Variants in DHTKD1 observed in about 807,000 individuals in gnomAD.
DHTKD1 encodes 2-oxoadipate dehydrogenase complex component E1.
Under a neutral mutation model 101.8 loss-of-function variants are expected in DHTKD1, and 78 were observed. The ratio of observed to expected loss-of-function variants is 0.77; its 90% CI spans 0.64 to 0.93. The LOEUF is 0.93. Among genes scored for constraint, DHTKD1 ranks in the 40% least tolerant of loss-of-function variants. The pLI, the probability that DHTKD1 is intolerant of heterozygous loss-of-function variation, is 0.00. For missense variants in DHTKD1, 1,223 were observed against 1,161.7 expected (o/e 1.05, Z -0.77); for synonymous variants, 462 against 450.3 (o/e 1.03, Z -0.33).
chr10:12,115,332 A>G (rs1025975506), intron 13 of DHTKD1, among the ~76,000 whole-genome samples: 3 of 151,822 alleles, frequency 2.0e-5, no homozygotes, highest in Non-Finnish European at 2.9e-5. Context: ...CCTGGCCTCA[A>G]GTGATTGGGC....
chr10:12,089,359 A>G (rs903136139), intron 5 of DHTKD1, 104 bp downstream of exon 5: 17 of 1,119,484 alleles, frequency 1.5e-5, no homozygotes, highest in African/African-American at 1.1e-4. Context: ...GATGAAACTG[A>G]GATGACCTTT....
intron 3 of DHTKD1, among the ~76,000 whole-genome samples, chr10:12,086,216 GTTTTC>G (rs1832894106): frequency 1.1e-5 from 1 of 91,252 alleles, no homozygotes; most frequent in African/African-American, 4.1e-5. Context: ...TTTTTCTTTT[GTTTTC>G]TTTTCTTTTT....
intron 6 of DHTKD1, among the ~76,000 whole-genome samples, chr10:12,092,044 C>T (rs1239286421): frequency 2.0e-5 from 3 of 149,934 alleles, no homozygotes; most frequent in East Asian, 3.9e-4. Flanking sequence ...TGCTGGAGTA[C>T]GTGATCTCGG....
intron 13 of DHTKD1, among the ~76,000 whole-genome samples, chr10:12,117,298 C>G (rs898521310): frequency 1.4e-5 from 2 of 143,130 alleles, no homozygotes; most frequent in Non-Finnish European, 3.0e-5. Context: ...GCATGAGCCA[C>G]GGCACCTTTT....
intron 8 of DHTKD1, among the ~76,000 whole-genome samples, chr10:12,098,430 A>G (rs1452349807): frequency 1.3e-5 from 2 of 152,192 alleles, no homozygotes; most frequent in African/African-American, 4.8e-5. Context: ...ATAGGATGAC[A>G]AACCACCCTG....
At chr10:12,071,553 C>G (rs753857559) in intron 1 of DHTKD1, among the ~76,000 whole-genome samples, 1 of 152,134 alleles carries the variant, frequency 6.6e-6, no homozygotes, top group African/African-American at 2.4e-5. Flanking sequence ...GGGCGGATCA[C>G]CAGGTCAGGA....
intron 15 of DHTKD1, 115 bp downstream of exon 15, chr10:12,119,033 G>A (rs905167209): frequency 3.9e-5 from 42 of 1,069,328 alleles, no homozygotes; most frequent in Middle Eastern, 6.8e-4. Context: ...TGGGCCGGGC[G>A]CGGTGGCTCA....
chr10:12,081,625 C>T lies in DHTKD1; in HGVS notation c.308C>T (p.Ala103Val). 2 of 1,614,100 alleles carry T rather than the reference C, an allele frequency of 1.2e-6. No individual in the cohort carries two copies. The highest frequency in any genetic ancestry group is 1.7e-6 in the Non-Finnish European group (2 of 1,180,014). Residue 103 changes from alanine to valine, a missense_variant and splice_region_variant, in exon 2 of 17, where the codon GCA becomes GTA. Ala to Val is a moderately conservative substitution (Grantham distance 64, BLOSUM62 0). Transcript: ENST00000263035. Reference protein sequence around the residue: ...VQTLQGPFHTAGLLNMGKEEA... With the variant: ...VQTLQGPFHTVGLLNMGKEEA... ...ACACTGCAGGGACCCTTCCACACGGCAGGTATGGCTTCTGCACAGCAGGCG... is the reference window on the plus strand; with the variant it reads ...ACACTGCAGGGACCCTTCCACACGGTAGGTATGGCTTCTGCACAGCAGGCG...
intron 13 of DHTKD1, among the ~76,000 whole-genome samples, chr10:12,117,304 C>CTTTTTTTT: frequency 1.4e-5 from 1 of 71,552 alleles, no homozygotes; most frequent in Non-Finnish European, 2.6e-5. Flanking sequence ...GCCACGGCAC[C>CTTTTTTTT]TTTTTTTTTT....
chr10:12,089,325 T>C, intron 5 of DHTKD1, 70 bp downstream of exon 5: 1 of 1,406,734 alleles, frequency 7.1e-7, no homozygotes, highest in Non-Finnish European at 9.8e-7. Flanking sequence ...TTGGGAGGGC[T>C]GAAAGCACAT....
chr10:12,070,501 A>G lies in DHTKD1; in HGVS notation c.154+1314A>G, dbSNP rs1178415339. Reference sequence around the variant, plus strand: ...TATCTCTGTCTCTCTCTCTTTTTTTAATCCTAAAATGGAGTCTGGCTTTGT... The same window carrying G: ...TATCTCTGTCTCTCTCTCTTTTTTTGATCCTAAAATGGAGTCTGGCTTTGT... On this transcript the variant is annotated intron_variant, in intron 1 of 16. Transcript: ENST00000263035. Among the ~76,000 whole-genome samples the G allele has an allele frequency of 2.0e-5, 3 of 151,974 alleles. No homozygotes were observed. The East Asian group carries it at 5.8e-4, about 29-fold the overall frequency.
rs146362405 is a variant in DHTKD1, at chr10:12,107,334, G to A, written c.2048-575G>A. Reference sequence around the variant, plus strand: ...GTGGTGCCTGCGGTGGTATTGGAGCGGCATGTGCTGTCCAGGAAGCTGGGA... The same window carrying A: ...GTGGTGCCTGCGGTGGTATTGGAGCAGCATGTGCTGTCCAGGAAGCTGGGA... On this transcript the variant is annotated intron_variant, in intron 11 of 16. Transcript: ENST00000263035. This position sits in a 1 kb window ranked among gnomAD's most constrained non-coding sequence, Gnocchi z 4.1. Among the ~76,000 whole-genome samples, 3 of 151,830 alleles carry A rather than the reference G, an allele frequency of 2.0e-5. No individual in the cohort carries two copies. Among genetic ancestry groups the A allele is most frequent in the Non-Finnish European group, 4.4e-5 (3 of 67,934 alleles).
At chr10:12,078,816 G>C (rs1049909953) in intron 1 of DHTKD1, among the ~76,000 whole-genome samples, 4 of 151,884 alleles carry the variant, frequency 2.6e-5, no homozygotes, top group African/African-American at 9.7e-5. Flanking sequence ...AGGCACGTGC[G>C]ACCACACCCG....
Position 12,120,790 on chromosome 10 carries a change from C to T in DHTKD1, c.2662C>T (p.Arg888Cys), listed in dbSNP as rs143212640. The T allele has an allele frequency of 2.2e-5, 35 of 1,613,796 alleles. 1 individual carries two copies. The highest frequency in any genetic ancestry group is 6.7e-5 in the East Asian group (3 of 44,884). Residue 888 changes from arginine (R) to cysteine (C), a missense_variant, in exon 17 of 17, where the codon CGT becomes TGT. Coordinates refer to ENST00000263035, the MANE Select transcript of DHTKD1 (RefSeq NM_018706.7). ...TTCTTCTCTGCTGCACTTATAGCTC[C>T]GTCTGGTGGGCCGGCCCCCTTTGCC... ...RFEKQLACKL[R>C]LVGRPPLPVP...
In DHTKD1 at chr10:12,087,833, C is replaced by T. The variant is rs970604807; in HGVS notation, c.717+104C>T. ...GATAAATGATGGTGATGGTGATGGC[C>T]GGGCACTGTGGCTCACACCTGCAAT... On this transcript the variant is annotated intron_variant, in intron 4 of 16. Coordinates refer to ENST00000263035, the MANE Select transcript of DHTKD1 (RefSeq NM_018706.7). The surrounding 1 kb of genome is among the most constrained non-coding windows in gnomAD (Gnocchi z 5.2). 3.5e-5 allele frequency: 38 copies of T among 1,077,356 alleles called. No homozygotes were observed. The highest frequency in any genetic ancestry group is 4.9e-5 in the African/African-American group (3 of 61,840). The allele number at this position is 1,077,356 out of a possible 1,614,324, so 66.7% of individuals were successfully genotyped here. A position where few individuals can be genotyped will look rare whatever the true frequency, so the allele number is the denominator to read the frequency against.
Position 12,087,455 on chromosome 10 carries a change from AAC to A in DHTKD1, c.523-72_523-71del. On this transcript the variant is annotated intron_variant, in intron 3 of 16. Transcript: ENST00000263035. This position sits in a 1 kb window ranked among gnomAD's most constrained non-coding sequence, Gnocchi z 5.2. ...CTTGGGGAGTGTGGGGCCATCTCAC[AAC>A]ACACACAGACTTATCTGCCTTCCAC... is the stretch of plus-strand genomic sequence containing the variant. 1 of 1,294,044 alleles carries A rather than the reference AAC, an allele frequency of 7.7e-7. No individual in the cohort carries two copies. Among genetic ancestry groups the A allele is most frequent in the Non-Finnish European group, 1.1e-6 (1 of 932,008 alleles). The allele number at this position is 1,294,044 out of a possible 1,614,324, so 80.2% of individuals were successfully genotyped here.
intron 12 of DHTKD1, among the ~76,000 whole-genome samples, chr10:12,111,216 A>G (rs1028326220): frequency 2.6e-5 from 4 of 152,140 alleles, no homozygotes; most frequent in Non-Finnish European, 4.4e-5. Flanking sequence ...CCCAGGCTGT[A>G]GTGCAATGCT....
intron 1 of DHTKD1, among the ~76,000 whole-genome samples, chr10:12,071,733 G>T (rs1588598823): frequency 1.3e-5 from 2 of 152,108 alleles, no homozygotes; most frequent in African/African-American, 4.8e-5. Flanking sequence ...TTGCCATGTT[G>T]CCCAGGCTGG....
At chr10:12,070,274 ATTAT>A (rs1360789773) in intron 1 of DHTKD1, among the ~76,000 whole-genome samples, 3 of 152,186 alleles carry the variant, frequency 2.0e-5, no homozygotes, top group South Asian at 2.1e-4. Context: ...TTATTGTATC[ATTAT>A]TTATCCTCAC....
Sources: gnomAD v4.1 joint callset for allele counts (sites outside exome capture counted in the v4.1 genomes callset) on GRCh38, gnomAD v4.1.1 for gene constraint, Gnocchi (gnomAD v3.1) non-coding constraint, MANE v1.5 for transcripts, NCBI Gene and HGNC (gene_info 2026-07-23, HGNC 2026-07-21) for gene names.